The following PPP4R3B variants were observed in gnomAD, a reference collection of about 807,000 sequenced individuals.
PPP4R3B encodes protein phosphatase 4 regulatory subunit 3B.
In PPP4R3B, 52 loss-of-function variants were observed where a neutral mutation model predicts 95.4. The ratio of observed to expected loss-of-function variants is 0.54; its 90% confidence interval spans 0.44 to 0.69. The LOEUF is 0.69. PPP4R3B is among the 30% of genes least tolerant of loss of function. PPP4R3B has a pLI of 0.00. For missense variants in PPP4R3B, 1,003 were observed against 1,005.9 expected, an observed-to-expected ratio of 1.00 and a Z score of 0.04; for synonymous variants, 407 against 343.9, an observed-to-expected ratio of 1.18 and a Z score of -2.03.
chr2:55,561,354 C>A (rs1219078552), intron 15 of PPP4R3B, among the ~76,000 whole-genome samples: 1 of 152,198 alleles, frequency 6.6e-6, no homozygotes, highest in East Asian at 1.9e-4. Context: ...TTATGAAGAA[C>A]CTCTACTAGG....
intron 4 of PPP4R3B, among the ~76,000 whole-genome samples, chr2:55,591,354 G>C (rs770520806): frequency 4.6e-5 from 7 of 151,442 alleles, no homozygotes; most frequent in Non-Finnish European, 7.4e-5. Context: ...TGTTGCCCAG[G>C]CTGGTATCGA....
intron 7 of PPP4R3B, among the ~76,000 whole-genome samples, chr2:55,584,073 C>T (rs368749752): frequency 1.3e-5 from 2 of 151,902 alleles, no homozygotes; most frequent in African/African-American, 2.4e-5. Flanking sequence ...GGCGTGGTGG[C>T]GCACAGAGGT....
intron 3 of PPP4R3B, among the ~76,000 whole-genome samples, chr2:55,601,771 T>C (rs1263516198): frequency 1.3e-5 from 2 of 152,222 alleles, no homozygotes; most frequent in Non-Finnish European, 2.9e-5. Flanking sequence ...TACCATAATG[T>C]GATATGGTAT....
intron 12 of PPP4R3B, among the ~76,000 whole-genome samples, chr2:55,572,516 G>C (rs956338166): frequency 1.3e-5 from 2 of 152,110 alleles, no homozygotes. Flanking sequence ...GAATAACAAT[G>C]AGATACCACA....
intron 2 of PPP4R3B, 125 bp from the exon 3 acceptor site, chr2:55,604,201 G>A (rs372073058): frequency 1.9e-6 from 1 of 540,412 alleles, no homozygotes. Flanking sequence ...AGTAATCAAT[G>A]TATATCTGAT....
chr2:55,560,546 A>G (rs1320337752), intron 15 of PPP4R3B, among the ~76,000 whole-genome samples: 1 of 152,140 alleles, frequency 6.6e-6, no homozygotes, highest in Non-Finnish European at 1.5e-5. Context: ...TGGGAGGCTG[A>G]GACAAGCGGA....
chr2:55,564,345 T>A lies in PPP4R3B; in HGVS notation c.2228A>T (p.Asp743Val). The stretch of plus-strand genomic sequence containing the variant: ...AGTCTCCATAAACTTTTCATAATTA[T>A]CTGGAAAATCATCTTCTGGCTTAGG... ...EKPKPEDDFP[D>V]NYEKFMETKK... Residue 743 changes from aspartate to valine, a missense_variant, in exon 15 of 17, where the codon GAT becomes GTT. Physicochemically the swap from Asp to Val is radical, Grantham distance 152. This residue lies in a region of PPP4R3B where 229 missense variants were observed against 194.7 expected (regional missense o/e 1.18). Transcript: ENST00000616407. 1 of 1,613,278 alleles carries A rather than the reference T, an allele frequency of 6.2e-7. No individual in the cohort carries two copies. The highest frequency in any genetic ancestry group is 1.7e-4 in the Middle Eastern group (1 of 6,050).
chr2:55,554,438 T>G (rs528428323), intron 16 of PPP4R3B, among the ~76,000 whole-genome samples: 2 of 152,368 alleles, frequency 1.3e-5, no homozygotes, highest in South Asian at 4.1e-4. Flanking sequence ...TCTTTTTTAT[T>G]ATAGCTATCC....
chr2:55,553,842 C>T (rs1685529079), intron 16 of PPP4R3B, among the ~76,000 whole-genome samples: 1 of 152,194 alleles, frequency 6.6e-6, no homozygotes, highest in Non-Finnish European at 1.5e-5. Flanking sequence ...TTTGTGTATC[C>T]ATTCATCAGC....
In PPP4R3B at chr2:55,581,701, G is replaced by A. The variant is rs1689461169; in HGVS notation, c.1234-3C>T. 3 of 1,608,656 alleles carry A rather than the reference G, an allele frequency of 1.9e-6. No individual in the cohort carries two copies. Among genetic ancestry groups the A allele is most frequent in the Non-Finnish European group, 1.7e-6 (2 of 1,178,020 alleles). On this transcript the variant is annotated splice_polypyrimidine_tract_variant and splice_region_variant and intron_variant, in intron 7 of 16. Transcript: ENST00000616407. ...ACCACATTAATAAGAAGAATATCCT[G>A]GTGGCAAAACAAAACAAAACAAAAC...
At chr2:55,562,144 G>A (rs903692708) in intron 15 of PPP4R3B, among the ~76,000 whole-genome samples, 3 of 152,092 alleles carry the variant, frequency 2.0e-5, no homozygotes, top group Non-Finnish European at 2.9e-5. Flanking sequence ...CACCTCGGCC[G>A]GGCTTGGTGG....
chr2:55,586,763 T>A, intron 5 of PPP4R3B, 29 bp from the exon 6 acceptor site: 1 of 1,359,638 alleles, frequency 7.4e-7, no homozygotes, highest in Admixed American at 1.8e-5. Flanking sequence ...TAGTGAGACA[T>A]TGATAAACAT....
At chr2:55,606,047 A>G (rs1258933892) in intron 2 of PPP4R3B, among the ~76,000 whole-genome samples, 1 of 152,234 alleles carries the variant, frequency 6.6e-6, no homozygotes, top group Non-Finnish European at 1.5e-5. Flanking sequence ...AGAAATAAAT[A>G]GAGCTACTCT....
Position 55,604,095 on chromosome 2 carries a change from T to A in PPP4R3B, c.199-19A>T. Reference sequence around the variant, plus strand: ...ATGTATCCTGTTTAAAAATAAATATTTCCATATCATCACACTAGAAAAGAG... The same window carrying A: ...ATGTATCCTGTTTAAAAATAAATATATCCATATCATCACACTAGAAAAGAG... On this transcript the variant is annotated intron_variant, in intron 2 of 16. Coordinates refer to ENST00000616407, the MANE Select transcript of PPP4R3B (RefSeq NM_001122964.3). 1 of 1,561,080 alleles carries A rather than the reference T, an allele frequency of 6.4e-7. No individual in the cohort carries two copies. Among genetic ancestry groups the A allele is most frequent in the Non-Finnish European group, 8.7e-7 (1 of 1,145,510 alleles).
At chr2:55,590,616 A>C (rs181921505) in intron 4 of PPP4R3B, among the ~76,000 whole-genome samples, 7 of 152,342 alleles carry the variant, frequency 4.6e-5, no homozygotes, top group Non-Finnish European at 8.8e-5. Context: ...AACTGATGGA[A>C]ATTGTTGGTG....
chr2:55,606,585 G>A (rs984341724), intron 2 of PPP4R3B, among the ~76,000 whole-genome samples: 7 of 151,936 alleles, frequency 4.6e-5, no homozygotes, highest in African/African-American at 1.4e-4. Context: ...ACTTTGGGAG[G>A]CCGAGGCGGG....
chr2:55,579,318 A>G lies in PPP4R3B; in HGVS notation c.1468+361T>C, dbSNP rs953615980. Among the ~76,000 whole-genome samples the G allele has an allele frequency of 5.9e-5, 9 of 152,250 alleles. No homozygotes were observed. In the East Asian group the frequency reaches 1.7e-3, roughly 29 times the overall value. On this transcript the variant is annotated intron_variant, in intron 9 of 16. Transcript: ENST00000616407. ...TATACTATTTGCTTCTACTCATTCT[A>G]GATATCGCACAAATTTGGCGACAAT...
Position 55,617,474 on chromosome 2 carries a change from G to A in PPP4R3B, c.-189C>T. On this transcript the variant is annotated 5_prime_UTR_variant, in exon 1 of 17. Coordinates refer to ENST00000616407, the MANE Select transcript of PPP4R3B (RefSeq NM_001122964.3). Reference sequence around the variant, plus strand: ...TGACAAGAGCCACTGAGGCCTCTCCGCCCGGAGGCCCCGTTACCTCTCACT... The same window carrying A: ...TGACAAGAGCCACTGAGGCCTCTCCACCCGGAGGCCCCGTTACCTCTCACT... The A allele has an allele frequency of 1.8e-6, 1 of 551,250 alleles. No individual in the cohort carries two copies. The highest frequency in any genetic ancestry group is 2.9e-6 in the Non-Finnish European group (1 of 340,194). The allele number at this position is 551,250 out of a possible 1,614,324, so 34.1% of individuals were successfully genotyped here.
At chr2:55,561,145 G>C (rs1416677541) in intron 15 of PPP4R3B, among the ~76,000 whole-genome samples, 1 of 152,154 alleles carries the variant, frequency 6.6e-6, no homozygotes, top group Non-Finnish European at 1.5e-5. Flanking sequence ...ATGGCGAAAA[G>C]GAGCCAAGGT....
Sources: gnomAD v4.1 joint callset for allele counts (sites outside exome capture counted in the v4.1 genomes callset) on GRCh38, gnomAD v4.1.1 for gene constraint, gnomAD v4.1.1 regional missense constraint, MANE v1.5 for transcripts, NCBI Gene and HGNC (gene_info 2026-07-23, HGNC 2026-07-21) for gene names.